Variants in SLIT3 observed in about 807,000 individuals in gnomAD.
SLIT3 encodes slit guidance ligand 3.
A neutral mutation model predicts 184.0 loss-of-function variants in SLIT3; 68 were observed. The observed-to-expected ratio is 0.37, with a 90% CI of 0.30 to 0.45. SLIT3 has a LOEUF of 0.45. Ranked by LOEUF, SLIT3 falls within the 20% of genes least tolerant of loss-of-function variation. The pLI, the probability that SLIT3 is intolerant of heterozygous loss-of-function variation, is 1.00. For missense variants in SLIT3, 1,707 were observed against 2,026.0 expected (o/e 0.84, Z 3.02); for synonymous variants, 831 against 828.6 (o/e 1.00, Z -0.05).
chr5:169,189,244 G>A (rs1055394583), intron 4 of SLIT3, among the ~76,000 whole-genome samples: 4 of 151,908 alleles, frequency 2.6e-5, no homozygotes, highest in Non-Finnish European at 5.9e-5. Flanking sequence ...GAATCCCTTG[G>A]ATATATGACA....
chr5:168,825,382 C>T (rs139322836), intron 6 of SLIT3, among the ~76,000 whole-genome samples: 2 of 152,322 alleles, frequency 1.3e-5, no homozygotes, highest in East Asian at 3.9e-4. Flanking sequence ...TTGGCCCAGA[C>T]TATCCGTGTA....
intron 8 of SLIT3, among the ~76,000 whole-genome samples, chr5:168,816,604 T>C (rs1023563351): frequency 6.6e-6 from 1 of 152,228 alleles, no homozygotes; most frequent in African/African-American, 2.4e-5. Context: ...CTGTTTTCTG[T>C]GCCACATAGG....
At chr5:169,229,073 A>G (rs1346003832) in intron 3 of SLIT3, among the ~76,000 whole-genome samples, 2 of 151,508 alleles carry the variant, frequency 1.3e-5, no homozygotes, top group African/African-American at 4.8e-5. Context: ...GCGCACACAC[A>G]CAGATTGAGA....
intron 4 of SLIT3, among the ~76,000 whole-genome samples, chr5:168,927,359 G>T (rs1452176131): frequency 6.6e-6 from 1 of 152,148 alleles, no homozygotes; most frequent in Non-Finnish European, 1.5e-5. Flanking sequence ...CAGGGTTTGG[G>T]GGTAGGAGGG....
rs1027106911 is a variant in SLIT3 at position 168,700,620 on chromosome 5, G to T, written c.2904C>A (p.Gly968=). 4.3e-6 allele frequency: 7 copies of T among 1,614,088 alleles called. No homozygotes were observed. In the African/African-American group the frequency reaches 9.3e-5, roughly 22 times the overall value. Reference sequence around the variant, plus strand: ...TGTGGCTGTCACTCAGGTGGCAGGTGCCTCCATGCTGACAGGGGTTCTGGA... The same window carrying T: ...TGTGGCTGTCACTCAGGTGGCAGGTTCCTCCATGCTGACAGGGGTTCTGGA... ...TCIQNPCQHG[G]TCHLSDSHKD... Residue 968 remains glycine (G), a synonymous_variant, in exon 27 of 36, where the codon GGC becomes GGA. Coordinates refer to ENST00000519560, the MANE Select transcript of SLIT3 (RefSeq NM_003062.4).
chr5:169,068,790 A>G (rs1014647583), intron 4 of SLIT3, among the ~76,000 whole-genome samples: 1 of 152,070 alleles, frequency 6.6e-6, no homozygotes, highest in Admixed American at 6.5e-5. Context: ...CAGTGCCTTT[A>G]TCATACTCAT....
chr5:168,755,341 T>C (rs919785970), intron 16 of SLIT3, among the ~76,000 whole-genome samples: 8 of 151,628 alleles, frequency 5.3e-5, no homozygotes, highest in African/African-American at 1.9e-4. Context: ...TTTTGGATAT[T>C]GTATTTGCTT....
chr5:168,666,770 G>C, intron 35 of SLIT3, 81 bp from the exon 36 acceptor site: 1 of 1,599,414 alleles, frequency 6.3e-7, no homozygotes, highest in East Asian at 2.2e-5. Flanking sequence ...AGGCTGCTTT[G>C]AAATACTTGT....
intron 1 of SLIT3, among the ~76,000 whole-genome samples, chr5:169,294,198 A>T (rs1767435833): frequency 1.3e-5 from 2 of 151,912 alleles, no homozygotes; most frequent in African/African-American, 4.8e-5. Flanking sequence ...ACAGTAATAG[A>T]GGCAGACATG....
chr5:168,867,211 G>A (rs1357434149), intron 5 of SLIT3, among the ~76,000 whole-genome samples: 1 of 152,208 alleles, frequency 6.6e-6, no homozygotes, highest in Non-Finnish European at 1.5e-5. Flanking sequence ...TGGCTACAAT[G>A]AAACCATGCA....
chr5:168,915,228 G>A lies in SLIT3; in HGVS notation c.414-31892C>T, dbSNP rs573502775. On this transcript the variant is annotated intron_variant, in intron 4 of 35. Coordinates refer to ENST00000519560, the MANE Select transcript of SLIT3 (RefSeq NM_003062.4). ...TGACTAATATATTTAAACGAAGTGT[G>A]GAAAAATCATTTTACAACCTCTAAT... Among the ~76,000 whole-genome samples the A allele has an allele frequency of 1.1e-4, 17 of 152,258 alleles. 1 individual carries two copies. The highest frequency in any genetic ancestry group is 9.2e-4 in the Admixed American group (14 of 15,280).
At chr5:169,268,226 G>T (rs1276389538) in intron 1 of SLIT3, among the ~76,000 whole-genome samples, 1 of 152,190 alleles carries the variant, frequency 6.6e-6, no homozygotes. Flanking sequence ...GAGTGGCGGA[G>T]GGGGGAATGT....
At chr5:169,112,381 A>G (rs1760443823) in intron 4 of SLIT3, among the ~76,000 whole-genome samples, 1 of 152,162 alleles carries the variant, frequency 6.6e-6, no homozygotes, top group Non-Finnish European at 1.5e-5. Flanking sequence ...GATCTTGGGT[A>G]CGTTCCTTAA....
At position 168,662,646 on chromosome 5, in the gene SLIT3, T is replaced by C. The variant is rs950717984; in HGVS notation, c.*3808A>G. On this transcript the variant is annotated 3_prime_UTR_variant, in exon 36 of 36. Transcript: ENST00000519560. The stretch of plus-strand genomic sequence containing the variant: ...TAACAACAGCATCTTACATTTAAGG[T>C]TTTTAGTTTACACTTTACAAAGAAC... 12 of 152,058 alleles carry C rather than the reference T, an allele frequency of 7.9e-5. No homozygotes were observed. Among genetic ancestry groups the C allele is most frequent in the African/African-American group, 2.4e-4 (10 of 41,326 alleles). 9.4% of individuals were successfully genotyped at this position (152,058 alleles called of 1,614,324 possible). A position where few individuals can be genotyped will look rare whatever the true frequency, so the allele number is the denominator to read the frequency against.
chr5:169,153,161 C>T (rs545843265), intron 4 of SLIT3, among the ~76,000 whole-genome samples: 35 of 152,266 alleles, frequency 2.3e-4, no homozygotes, highest in South Asian at 4.1e-4. Flanking sequence ...ACTGACAAGT[C>T]GCCTCAAATC....
At chr5:169,077,455 C>G (rs776346860) in intron 4 of SLIT3, among the ~76,000 whole-genome samples, 11 of 152,174 alleles carry the variant, frequency 7.2e-5, no homozygotes, top group Non-Finnish European at 1.6e-4. Flanking sequence ...AGGAGAATCA[C>G]TTGAACTCAG....
intron 4 of SLIT3, chr5:169,024,250 A>G (rs1331501035): frequency 1.3e-5 from 2 of 152,208 alleles, no homozygotes; most frequent in Non-Finnish European, 2.9e-5. Flanking sequence ...GTGGCATTTG[A>G]AGGGGATAAG....
intron 14 of SLIT3, among the ~76,000 whole-genome samples, chr5:168,771,518 C>T (rs909318756): frequency 1.3e-5 from 2 of 152,202 alleles, no homozygotes; most frequent in Non-Finnish European, 2.9e-5. Flanking sequence ...GGCTCTCCTA[C>T]TGACTTCCCA....
At chr5:168,945,962 C>T (rs1253180835) in intron 4 of SLIT3, among the ~76,000 whole-genome samples, 2 of 152,232 alleles carry the variant, frequency 1.3e-5, no homozygotes, top group African/African-American at 2.4e-5. Flanking sequence ...AAGTTTCTCG[C>T]GTACTGTTTC....
Sources: allele counts gnomAD v4.1 joint callset (sites outside exome capture counted in the v4.1 genomes callset), GRCh38; gene constraint gnomAD v4.1.1; transcripts MANE v1.5; gene names NCBI Gene and HGNC (gene_info 2026-07-23, HGNC 2026-07-21).